EFCAB8: variants seen among roughly 807,000 people sequenced by gnomAD.
EFCAB8 encodes EF-hand calcium-binding domain-containing protein 8.
In EFCAB8, 100 loss-of-function variants were observed where a neutral mutation model predicts 116.3. The ratio of observed to expected loss-of-function variants is 0.86; its 90% CI spans 0.73 to 1.02. The LOEUF is 1.02. Among genes scored for constraint, EFCAB8 ranks in the 50% least tolerant of loss-of-function variants. The probability of loss-of-function intolerance (pLI) is 0.00; values close to 1 mark genes in which losing one functional copy is unlikely to be tolerated. For missense variants in EFCAB8, 1,320 were observed against 1,416.9 expected, an observed-to-expected ratio of 0.93 and a Z score of 1.10; for synonymous variants, 558 against 567.9, an observed-to-expected ratio of 0.98 and a Z score of 0.25.
At chr20:32,912,986 A>G in intron 17 of EFCAB8, 122 bp downstream of exon 17, 2 of 640,250 alleles carry the variant, frequency 3.1e-6, no homozygotes, top group Non-Finnish European at 5.7e-6. Flanking sequence ...AGTGGTGGTT[A>G]ATGACTATTG....
intron 23 of EFCAB8, among the ~76,000 whole-genome samples, chr20:32,954,826 T>C (rs1300305146): frequency 6.6e-6 from 1 of 152,248 alleles, no homozygotes; most frequent in Non-Finnish European, 1.5e-5. Flanking sequence ...ATCCTGTTGA[T>C]GTGGTAAATT....
intron 9 of EFCAB8, among the ~76,000 whole-genome samples, chr20:32,893,655 A>G (rs1027733110): frequency 3.3e-5 from 5 of 151,796 alleles, no homozygotes; most frequent in African/African-American, 1.2e-4. Context: ...ATGCTAACTA[A>G]CTTCCTCGGA....
intron 16 of EFCAB8, 123 bp downstream of exon 16, chr20:32,911,830 G>C (rs1319507639): frequency 1.0e-6 from 1 of 999,220 alleles, no homozygotes; most frequent in Non-Finnish European, 1.5e-6. Context: ...TAGTCAGGTG[G>C]CCTGGCTTCA....
At position 32,883,176 on chromosome 20, in the gene EFCAB8, A is replaced by G. The variant is rs574043734; in HGVS notation, c.432-2329A>G. Among the ~76,000 whole-genome samples, 13 of 152,298 alleles carry G rather than the reference A, an allele frequency of 8.5e-5. No individual in the cohort carries two copies. The East Asian group carries it at 2.3e-3, about 27-fold the overall frequency. ...GGAATTTCTGGCCTCTGTAGGCCCC[A>G]TTAGAGCATTTCTCTGATATCACCC... On this transcript the variant is annotated intron_variant, in intron 5 of 26. Coordinates refer to ENST00000400522, the MANE Select transcript of EFCAB8 (RefSeq NM_001143967.2).
chr20:32,886,852 G>A (rs1387729325), intron 6 of EFCAB8, among the ~76,000 whole-genome samples: 2 of 152,216 alleles, frequency 1.3e-5, no homozygotes, highest in African/African-American at 2.4e-5. Context: ...CTGTCATGCA[G>A]ATGGAGACAC....
chr20:32,878,143 G>A (rs1985085952), intron 4 of EFCAB8, among the ~76,000 whole-genome samples: 2 of 152,172 alleles, frequency 1.3e-5, no homozygotes, highest in South Asian at 4.1e-4. Flanking sequence ...GCATGCATTT[G>A]TGGTCCCAGC....
At chr20:32,955,191 A>G (rs557286940) in intron 23 of EFCAB8, among the ~76,000 whole-genome samples, 86 of 152,302 alleles carry the variant, frequency 5.6e-4, no homozygotes, top group Middle Eastern at 3.4e-3. Context: ...CTAGCTGGCC[A>G]TTAGAGACAA....
intron 2 of EFCAB8, among the ~76,000 whole-genome samples, chr20:32,866,259 G>A (rs1984395972): frequency 6.6e-6 from 1 of 152,192 alleles, no homozygotes; most frequent in Non-Finnish European, 1.5e-5. Context: ...GCTAAGTGGG[G>A]GAGAGTGAGC....
Position 32,889,446 on chromosome 20 carries a change from T to C in EFCAB8, c.673+40T>C, listed in dbSNP as rs112834402. 1.3e-3 allele frequency: 1,958 copies of C among 1,525,940 alleles called. 33 individuals are homozygous for C. In the African/African-American group the frequency reaches 0.024, roughly 19 times the overall value. The allele number at this position is 1,525,940 out of a possible 1,614,324, so 94.5% of individuals were successfully genotyped here. A position where few individuals can be genotyped will look rare whatever the true frequency, so the allele number is the denominator to read the frequency against. On this transcript the variant is annotated intron_variant, in intron 7 of 26. Coordinates refer to ENST00000400522, the MANE Select transcript of EFCAB8 (RefSeq NM_001143967.2). ...GCTTCCCAGCTCTGCTCTCAGCCAC[T>C]GGGAGCCATGCATTTGTGCCTGGGA...
chr20:32,892,401 A>C, intron 8 of EFCAB8, 104 bp downstream of exon 8: 2 of 988,820 alleles, frequency 2.0e-6, no homozygotes, highest in South Asian at 2.9e-5. Flanking sequence ...CCTCCTTGGA[A>C]AGATCTGGAA....
At chr20:32,911,350 C>A in intron 15 of EFCAB8, 130 bp from the exon 16 acceptor site, 1 of 749,004 alleles carries the variant, frequency 1.3e-6, no homozygotes, top group Non-Finnish European at 2.0e-6. Context: ...GTGGCTTATG[C>A]TGTAGCAGGG....
Position 32,918,570 on chromosome 20 carries a change from A to C in EFCAB8, c.2270A>C (p.Gln757Pro). The C allele has an allele frequency of 6.4e-7, 1 of 1,551,440 alleles. No individual in the cohort carries two copies. The highest frequency in any genetic ancestry group is 8.7e-7 in the Non-Finnish European group (1 of 1,146,918). The change falls in exon 19 of 27, where the codon CAG (glutamine) becomes CCG (proline). Residue 757 changes from glutamine (Q) to proline (P), a missense_variant. Gln to Pro is a moderately conservative substitution (Grantham distance 76). Coordinates refer to ENST00000400522, the MANE Select transcript of EFCAB8 (RefSeq NM_001143967.2). ...AAGGAGCCAGACAGGCCTGTGCCCCAGCAGGTGGGAGCGAGAGCCCAACCA... is the reference window on the plus strand; with the variant it reads ...AAGGAGCCAGACAGGCCTGTGCCCCCGCAGGTGGGAGCGAGAGCCCAACCA... ...RDKEPDRPVP[Q>P]QKPSSASGTS... is the part of the protein sequence containing the mutation.
chr20:32,864,949 G>A (rs1042825695), intron 2 of EFCAB8, among the ~76,000 whole-genome samples: 1 of 152,224 alleles, frequency 6.6e-6, no homozygotes, highest in Non-Finnish European at 1.5e-5. Context: ...CAGCCCTGCA[G>A]GGTAGGGACT....
At chr20:32,922,077 C>T (rs763222113) in intron 20 of EFCAB8, among the ~76,000 whole-genome samples, 1 of 152,104 alleles carries the variant, frequency 6.6e-6, no homozygotes, top group African/African-American at 2.4e-5. Flanking sequence ...GATCCACTGG[C>T]CTCGGCTTCC....
chr20:32,923,492 ACAC>A (rs1424628920), intron 20 of EFCAB8, among the ~76,000 whole-genome samples: 31 of 151,974 alleles, frequency 2.0e-4, no homozygotes, highest in Non-Finnish European at 1.5e-5. Flanking sequence ...CTCCAAAACA[ACAC>A]CACCACCACC....
In EFCAB8 at chr20:32,917,486, C is replaced by T. The variant is rs13037781; in HGVS notation, c.2042C>T (p.Ser681Leu). The part of the protein sequence containing the change: ...IFNFNASRSP[S>L]PLQPKRVQDV... ...AACTTCAATGCCTCTAGGAGCCCCT[C>T]GCCCTTGCAGCCCAAGAGGGTATGT... is the stretch of plus-strand genomic sequence containing the variant. Residue 681 changes from serine (S) to leucine (L), a missense_variant, in exon 18 of 27, where the codon TCG (serine) becomes TTG (leucine). Transcript: ENST00000400522. The T allele has an allele frequency of 0.64, 992,403 of 1,551,368 alleles. 323,577 individuals are homozygous for T. The highest frequency in any genetic ancestry group is 0.67 in the Middle Eastern group (4,044 of 5,992).
Position 32,898,949 on chromosome 20 carries a change from A to C in EFCAB8, c.1088+326A>C, listed in dbSNP as rs557236548. Among the ~76,000 whole-genome samples, 5 of 152,274 alleles carry C rather than the reference A, an allele frequency of 3.3e-5. No individual in the cohort carries two copies. In the South Asian group the frequency reaches 1.0e-3, roughly 32 times the overall value. ...GAAAGGGTGTGAAAGCACGTACCTC[A>C]CTTCCTGAAGGGTTGCATGAGGGAA... On this transcript the variant is annotated intron_variant, in intron 11 of 26. Coordinates refer to ENST00000400522, the MANE Select transcript of EFCAB8 (RefSeq NM_001143967.2).
chr20:32,939,195 CTTT>C (rs1568941807), intron 22 of EFCAB8, among the ~76,000 whole-genome samples: 217 of 58,838 alleles, frequency 3.7e-3, no homozygotes, highest in Non-Finnish European at 5.8e-3. Flanking sequence ...TTCTTTCTTT[CTTT>C]CTTTCCTCTC....
chr20:32,878,508 CTTTT>C (rs1292839813), intron 4 of EFCAB8, among the ~76,000 whole-genome samples, 192 bp from the exon 5 acceptor site: 11 of 116,626 alleles, frequency 9.4e-5, no homozygotes, highest in Non-Finnish European at 1.8e-5. Context: ...GGCTTGAGTT[CTTTT>C]TTTTTTTTTT....
Sources: allele counts gnomAD v4.1 joint callset (sites outside exome capture counted in the v4.1 genomes callset), GRCh38; gene constraint gnomAD v4.1.1; transcripts MANE v1.5; gene names NCBI Gene and HGNC (gene_info 2026-07-23, HGNC 2026-07-21).